The following PBX1 variants were observed in gnomAD, a reference collection of about 807,000 sequenced individuals.
PBX1 encodes the protein pre-B-cell leukemia transcription factor 1.
Under a neutral mutation model 53.4 loss-of-function variants are expected in PBX1, and 6 were observed. That is an observed-to-expected ratio of 0.11 (90% CI 0.06 to 0.22). The LOEUF is 0.22. PBX1 is among the 10% of genes least tolerant of loss of function. PBX1 has a pLI of 1.00. For synonymous variants in PBX1, 204 were observed against 212.3 expected, an observed-to-expected ratio of 0.96 and a Z score of 0.34; for missense variants, 251 against 551.4, an observed-to-expected ratio of 0.46 and a Z score of 5.46.
rs564660436 is a variant in PBX1 at position 164,670,656 on chromosome 1, GAA to G, written c.265+107347_265+107348del. Among the ~76,000 whole-genome samples, 261 of 152,304 alleles carry G rather than the reference GAA, an allele frequency of 1.7e-3. 2 individuals carry two copies. Among genetic ancestry groups the G allele is most frequent in the Non-Finnish European group, 2.6e-3 (176 of 68,028 alleles). Reference sequence around the variant, plus strand: ...TCAAGACTGCCAAGACTAAGAGAGAGAAAGGGGCTTTTAGAGGCATAAAGCAA... The same window carrying G: ...TCAAGACTGCCAAGACTAAGAGAGAGAGGGGCTTTTAGAGGCATAAAGCAA... On this transcript the variant is annotated intron_variant, in intron 2 of 8. Transcript: ENST00000420696.
At chr1:164,826,766 A>T (rs1670486837) in intron 8 of PBX1, among the ~76,000 whole-genome samples, 1 of 152,182 alleles carries the variant, frequency 6.6e-6, no homozygotes, top group Admixed American at 6.5e-5. Context: ...CCAGTCTTTG[A>T]TGTAAATAGA....
intron 5 of PBX1, 83 bp from the exon 6 acceptor site, chr1:164,811,907 C>A: frequency 8.5e-7 from 1 of 1,179,358 alleles, no homozygotes. Flanking sequence ...CTCTTCACCT[C>A]TCCCATAAAG....
At chr1:164,790,738 G>T (rs890700042) in intron 2 of PBX1, among the ~76,000 whole-genome samples, 1 of 152,198 alleles carries the variant, frequency 6.6e-6, no homozygotes, top group Non-Finnish European at 1.5e-5. Flanking sequence ...TCTGAACAAC[G>T]TTCAGGGTTG....
chr1:164,587,949 A>G (rs567358040), intron 2 of PBX1, among the ~76,000 whole-genome samples: 1 of 152,304 alleles, frequency 6.6e-6, no homozygotes, highest in African/African-American at 2.4e-5. Context: ...AAGAGAAGAG[A>G]AAGAGCCCTA....
At chr1:164,636,345 A>G (rs1327966885) in intron 2 of PBX1, among the ~76,000 whole-genome samples, 1 of 152,148 alleles carries the variant, frequency 6.6e-6, no homozygotes, top group Non-Finnish European at 1.5e-5. Flanking sequence ...TCTTGAAGGC[A>G]TCTTATTTCA....
At chr1:164,719,550 T>C (rs986299617) in intron 2 of PBX1, among the ~76,000 whole-genome samples, 20 of 152,164 alleles carry the variant, frequency 1.3e-4, no homozygotes, top group African/African-American at 4.8e-4. Context: ...TTGTGCATGC[T>C]CTGAATCAGA....
chr1:164,844,514 T>A (rs1407323048), intron 8 of PBX1, among the ~76,000 whole-genome samples: 1 of 152,196 alleles, frequency 6.6e-6, no homozygotes, highest in Non-Finnish European at 1.5e-5. Context: ...ATATGTGTCA[T>A]CAAAGCTGAA....
chr1:164,576,887 C>A (rs532117684), intron 2 of PBX1: 24 of 152,410 alleles, frequency 1.6e-4, no homozygotes, highest in African/African-American at 5.3e-4. Context: ...AGGATCTGTT[C>A]CGTGGGGCCC....
intron 2 of PBX1, chr1:164,625,856 T>C (rs971558742): frequency 1.3e-6 from 1 of 760,744 alleles, no homozygotes; most frequent in Non-Finnish European, 1.6e-6. Context: ...ATTATCCCAT[T>C]CCCCCACCCT....
At chr1:164,859,720 A>G (rs1452676926) in intron 2 of PBX1, among the ~76,000 whole-genome samples, 3 of 152,204 alleles carry the variant, frequency 2.0e-5, no homozygotes, top group African/African-American at 7.2e-5. Flanking sequence ...ACAAGCAAGC[A>G]TGTACTGGCC....
At chr1:164,729,198 C>G (rs1376426328) in intron 2 of PBX1, among the ~76,000 whole-genome samples, 1 of 152,332 alleles carries the variant, frequency 6.6e-6, no homozygotes, top group African/African-American at 2.4e-5. Context: ...TGAATTCTTA[C>G]AGTGAGTAGG....
At chr1:164,733,317 A>G (rs1780330) in intron 2 of PBX1, among the ~76,000 whole-genome samples, 141,045 of 152,108 alleles carry the variant, frequency 0.93, 65,562 homozygotes, top group Middle Eastern at 0.99. Flanking sequence ...CAAGGACAGA[A>G]TGCCATTATC....
At chr1:164,630,957 T>C (rs577520393) in intron 2 of PBX1, 1 of 152,312 alleles carries the variant, frequency 6.6e-6, no homozygotes, top group Admixed American at 6.5e-5. Context: ...GCTTTCCAGG[T>C]AGCAAGATGT....
intron 2 of PBX1, among the ~76,000 whole-genome samples, chr1:164,583,939 A>C (rs1405983623): frequency 6.6e-6 from 1 of 152,124 alleles, no homozygotes; most frequent in Non-Finnish European, 1.5e-5. Context: ...CTTAACCCAC[A>C]ATATGTTCTC....
At chr1:164,586,937 C>T (rs1457871586) in intron 2 of PBX1, among the ~76,000 whole-genome samples, 2 of 152,086 alleles carry the variant, frequency 1.3e-5, no homozygotes, top group Non-Finnish European at 2.9e-5. Flanking sequence ...CAACAGTCCA[C>T]CAGGATTTTA....
At chr1:164,821,462 G>T in intron 7 of PBX1, 75 bp from the exon 8 acceptor site, 1 of 1,116,882 alleles carries the variant, frequency 9.0e-7, no homozygotes, top group Admixed American at 1.7e-5. Flanking sequence ...ATGGTGGCCT[G>T]CCTGATGATG....
intron 2 of PBX1, among the ~76,000 whole-genome samples, chr1:164,616,707 A>G (rs901662659): frequency 6.6e-6 from 1 of 152,306 alleles, no homozygotes; most frequent in African/African-American, 2.4e-5. Context: ...GCATGTTCCC[A>G]ATGCTAACTT....
intron 2 of PBX1, among the ~76,000 whole-genome samples, chr1:164,671,602 T>G (rs963317973): frequency 2.0e-5 from 3 of 152,198 alleles, no homozygotes; most frequent in African/African-American, 7.2e-5. Flanking sequence ...GTATGATTTC[T>G]GAAAGGCTGT....
In PBX1 at chr1:164,846,646, T is replaced by C. The variant is rs369700366; in HGVS notation, c.1263T>C (p.Pro421=). The C allele has an allele frequency of 1.3e-4, 206 of 1,613,970 alleles. No individual in the cohort carries two copies. Among genetic ancestry groups the C allele is most frequent in the Non-Finnish European group, 1.6e-4 (194 of 1,179,976 alleles). Reference sequence around the variant, plus strand: ...CAGTGACCTCCCCTACAGAAGGCCCTGGCAGTGTTCACTCTGATACCTCCA... The same window carrying C: ...CAGTGACCTCCCCTACAGAAGGCCCCGGCAGTGTTCACTCTGATACCTCCA... ...PSSVTSPTEG[P]GSVHSDTSN Residue 421 remains proline (P), a synonymous_variant, in exon 9 of 9, where the codon CCT becomes CCC. Transcript: ENST00000420696.
Sources: allele counts gnomAD v4.1 joint callset (sites outside exome capture counted in the v4.1 genomes callset), GRCh38; gene constraint gnomAD v4.1.1; transcripts MANE v1.5; gene names NCBI Gene and HGNC (gene_info 2026-07-23, HGNC 2026-07-21).